The following FRMD6 variants were observed in gnomAD, a reference collection of about 807,000 sequenced individuals.
FRMD6 encodes the protein FERM domain containing 6, also known as FERM domain-containing protein 6.
In FRMD6, 37 loss-of-function variants were observed where a neutral mutation model predicts 73.2. The observed-to-expected ratio is 0.51, with a 90% CI of 0.39 to 0.66. The LOEUF (loss-of-function observed/expected upper bound fraction) is 0.66. Among genes scored for constraint, FRMD6 ranks in the 30% least tolerant of loss-of-function variants. The probability of loss-of-function intolerance (pLI) is 0.00; values close to 1 mark genes in which losing one functional copy is unlikely to be tolerated. For synonymous variants in FRMD6, 273 were observed against 282.2 expected (o/e 0.97, Z 0.33); for missense variants, 714 against 780.5 (o/e 0.91, Z 1.02).
the FRMD6 span, among the ~76,000 whole-genome samples, chr14:51,439,153 G>T: frequency 6.6e-6 from 1 of 152,216 alleles, no homozygotes; most frequent in East Asian, 1.9e-4. Flanking sequence ...GCTTTTTGAT[G>T]TATAAAACTT....
chr14:51,447,065 A>G, the FRMD6 span, among the ~76,000 whole-genome samples: 2 of 152,206 alleles, frequency 1.3e-5, no homozygotes, highest in African/African-American at 2.4e-5. Context: ...CTGTCCCGAT[A>G]TGAGTGGGCA....
chr14:51,438,838 G>A, the FRMD6 span, among the ~76,000 whole-genome samples: 12 of 152,004 alleles, frequency 7.9e-5, no homozygotes, highest in Admixed American at 7.9e-4. Flanking sequence ...TTAATGCCAA[G>A]CTATATATAG....
intron 11 of FRMD6, 125 bp downstream of exon 11, chr14:51,720,515 G>A (rs933647390): frequency 2.5e-6 from 2 of 803,788 alleles, no homozygotes; most frequent in African/African-American, 1.7e-5. Context: ...GAGGTGTCTT[G>A]TTGTCTTCCC....
the FRMD6 span, among the ~76,000 whole-genome samples, chr14:51,444,079 A>T: frequency 5.9e-5 from 9 of 152,048 alleles, no homozygotes; most frequent in African/African-American, 2.2e-4. Context: ...CAGGCAACTG[A>T]CACCAAGCCT....
chr14:51,609,714 G>C (rs1280007242), intron 2 of FRMD6, among the ~76,000 whole-genome samples: 1 of 152,180 alleles, frequency 6.6e-6, no homozygotes, highest in Non-Finnish European at 1.5e-5. Context: ...GAGCCGACTG[G>C]CAGGAGATGC....
upstream of FRMD6, among the ~76,000 whole-genome samples, chr14:51,486,359 G>A (rs979016082): frequency 1.3e-5 from 2 of 152,092 alleles, no homozygotes; most frequent in Admixed American, 1.3e-4. Context: ...TTTCTTTGTG[G>A]GAGTCTGATG....
intron 1 of FRMD6, among the ~76,000 whole-genome samples, chr14:51,497,385 C>T (rs1883367124): frequency 6.6e-6 from 1 of 152,064 alleles, no homozygotes; most frequent in South Asian, 2.1e-4. Flanking sequence ...TGATACAACT[C>T]CTTTAAAAAC....
At chr14:51,594,850 G>A (rs1236669754) in intron 2 of FRMD6, among the ~76,000 whole-genome samples, 1 of 152,216 alleles carries the variant, frequency 6.6e-6, no homozygotes, top group Admixed American at 6.5e-5. Flanking sequence ...AAGAGTCCCT[G>A]TTATTTACCG....
chr14:51,448,029 T>C, the FRMD6 span, among the ~76,000 whole-genome samples: 1 of 152,212 alleles, frequency 6.6e-6, no homozygotes, highest in Non-Finnish European at 1.5e-5. Context: ...GTAGGAAATG[T>C]GTCTTTTCTC....
the FRMD6 span, among the ~76,000 whole-genome samples, chr14:51,483,200 A>G: frequency 6.6e-6 from 1 of 152,206 alleles, no homozygotes; most frequent in East Asian, 1.9e-4. Flanking sequence ...TTCATTCAGT[A>G]AATACGTATT....
At chr14:51,430,176 A>T in the FRMD6 span, among the ~76,000 whole-genome samples, 1 of 152,376 alleles carries the variant, frequency 6.6e-6, no homozygotes, top group African/African-American at 2.4e-5. Flanking sequence ...GAGATAGAGT[A>T]ATGAAATTCA....
the FRMD6 span, among the ~76,000 whole-genome samples, chr14:51,451,540 A>AT: frequency 1.3e-5 from 2 of 151,956 alleles, no homozygotes; most frequent in African/African-American, 2.4e-5. Flanking sequence ...TGCCTGGGTA[A>AT]TTTTTTTTGT....
chr14:51,712,534 G>A lies in FRMD6; in HGVS notation c.832G>A (p.Gly278Arg), dbSNP rs775459167. Residue 278 changes from glycine to arginine, a missense_variant, in exon 9 of 14, where the codon GGA becomes AGA. Physicochemically the swap from Gly to Arg is moderately radical, Grantham distance 125. Transcript: ENST00000344768. ...TTATGATTTCCCCTGGACAAATGTT[G>A]GAAAATTGGTGTTTGTGGTAAGTTT... ...LLYDFPWTNV[G>R]KLVFVGKKFE... is the part of the protein sequence containing the mutation. 8.1e-6 allele frequency: 13 copies of A among 1,601,062 alleles called. No individual in the cohort carries two copies. Among genetic ancestry groups the A allele is most frequent in the African/African-American group, 2.7e-5 (2 of 74,604 alleles).
At chr14:51,600,415 G>A (rs545963464) in intron 2 of FRMD6, among the ~76,000 whole-genome samples, 1 of 152,292 alleles carries the variant, frequency 6.6e-6, no homozygotes, top group South Asian at 2.1e-4. Flanking sequence ...TAACCAAGGT[G>A]AGAAAGGCTA....
intron 6 of FRMD6, among the ~76,000 whole-genome samples, chr14:51,706,003 G>A (rs1209588093): frequency 6.6e-6 from 1 of 151,990 alleles, no homozygotes; most frequent in African/African-American, 2.4e-5. Flanking sequence ...ATATCCATAA[G>A]GTAGCTGTTT....
intron 1 of FRMD6, chr14:51,565,351 T>A (rs1169495135): frequency 6.6e-6 from 1 of 152,268 alleles, no homozygotes; most frequent in Non-Finnish European, 1.5e-5. Flanking sequence ...TGGGGGCAGC[T>A]GTAGTTGAGC....
At chr14:51,428,927 GGA>G in the FRMD6 span, among the ~76,000 whole-genome samples, 1 of 149,402 alleles carries the variant, frequency 6.7e-6, no homozygotes. Context: ...AGAGAGAGGG[GGA>G]GAGAGAGAGA....
chr14:51,449,011 T>G, the FRMD6 span, among the ~76,000 whole-genome samples: 1 of 152,310 alleles, frequency 6.6e-6, no homozygotes, highest in South Asian at 2.1e-4. Context: ...GCCTGCAGTC[T>G]GCCTTTAGAA....
chr14:51,436,269 T>C, the FRMD6 span: 1 of 363,070 alleles, frequency 2.8e-6, no homozygotes, highest in Non-Finnish European at 5.3e-6. Context: ...ACTCCGTAAA[T>C]AATTTTCTCA....
Sources: gnomAD v4.1 joint callset for allele counts (sites outside exome capture counted in the v4.1 genomes callset) on GRCh38, gnomAD v4.1.1 for gene constraint, MANE v1.5 for transcripts, NCBI Gene and HGNC (gene_info 2026-07-23, HGNC 2026-07-21) for gene names.